XKR4: variants seen among roughly 807,000 people sequenced by gnomAD.
The protein encoded by XKR4 is XK related 4, also known as XK-related protein 4.
XKR4 carries 12 observed loss-of-function variants against 53.9 expected under a neutral mutation model. The observed-to-expected ratio is 0.22, with a 90% CI of 0.14 to 0.36. The LOEUF (loss-of-function observed/expected upper bound fraction) is 0.36. Ranked by LOEUF, XKR4 falls within the 10% of genes least tolerant of loss-of-function variation. The pLI is 1.00. For missense variants in XKR4, 799 were observed against 859.5 expected, an observed-to-expected ratio of 0.93 and a Z score of 0.88; for synonymous variants, 354 against 362.4, an observed-to-expected ratio of 0.98 and a Z score of 0.26.
At chr8:55,289,695 G>GAAAGAAAGAA (rs778422703) in intron 1 of XKR4, among the ~76,000 whole-genome samples, 1 of 87,798 alleles carries the variant, frequency 1.1e-5, no homozygotes, top group Non-Finnish European at 2.9e-5. Flanking sequence ...AAGAAAGAAA[G>GAAAGAAAGAA]AGAAAGAAAG....
chr8:55,292,199 C>T (rs1290354057), intron 1 of XKR4, among the ~76,000 whole-genome samples: 1 of 152,000 alleles, frequency 6.6e-6, no homozygotes, highest in Non-Finnish European at 1.5e-5. Context: ...ATAAAATGAA[C>T]TGGGAAGGGT....
At chr8:55,471,747 T>C (rs1217368935) in intron 2 of XKR4, among the ~76,000 whole-genome samples, 1 of 152,076 alleles carries the variant, frequency 6.6e-6, no homozygotes, top group Admixed American at 6.6e-5. Flanking sequence ...CCCTTGGTGA[T>C]GAGTAAGTTC....
At chr8:55,279,128 C>T (rs12675363) in intron 1 of XKR4, among the ~76,000 whole-genome samples, 34,962 of 152,090 alleles carry the variant, frequency 0.23, 4,397 homozygotes, top group East Asian at 0.48. Context: ...CAAAGTATCA[C>T]AAAACTGCAA....
intron 1 of XKR4, among the ~76,000 whole-genome samples, chr8:55,206,185 A>G (rs969923653): frequency 2.3e-4 from 35 of 152,182 alleles, no homozygotes; most frequent in African/African-American, 8.2e-4. Context: ...AACCTTCCAC[A>G]CCATGGAAGG....
At chr8:55,470,608 C>T (rs1585592336) in intron 2 of XKR4, among the ~76,000 whole-genome samples, 2 of 152,200 alleles carry the variant, frequency 1.3e-5, no homozygotes, top group Middle Eastern at 6.8e-3. Flanking sequence ...TGAAAACAGA[C>T]TAATACACAA....
intron 1 of XKR4, chr8:55,164,586 C>T: frequency 2.8e-6 from 1 of 363,332 alleles, no homozygotes; most frequent in Non-Finnish European, 5.5e-6. Flanking sequence ...TGCCCATGGG[C>T]CTAGCCCTGA....
chr8:55,393,433 AGG>A (rs1804471692), intron 2 of XKR4, among the ~76,000 whole-genome samples: 1 of 150,636 alleles, frequency 6.6e-6, no homozygotes, highest in African/African-American at 2.4e-5. Context: ...GAAGGAAGGA[AGG>A]AAGGAAGGAA....
intron 1 of XKR4, among the ~76,000 whole-genome samples, chr8:55,244,684 G>A (rs1418223468): frequency 6.6e-6 from 1 of 151,190 alleles, no homozygotes; most frequent in Non-Finnish European, 1.5e-5. Flanking sequence ...TCCACCAGCA[G>A]TGTATAAGCA....
intron 1 of XKR4, among the ~76,000 whole-genome samples, chr8:55,136,524 T>C (rs1315677665): frequency 1.3e-5 from 2 of 152,244 alleles, no homozygotes; most frequent in African/African-American, 2.4e-5. Flanking sequence ...TTGAATATAA[T>C]ATCAACGCTC....
intron 2 of XKR4, among the ~76,000 whole-genome samples, chr8:55,371,144 AG>A (rs1431455868): frequency 1.3e-5 from 2 of 151,350 alleles, no homozygotes; most frequent in Admixed American, 1.3e-4. Flanking sequence ...GGAGGACATC[AG>A]GGAGTGTAGA....
chr8:55,536,460 T>A lies in XKR4; in HGVS notation c.*12233T>A, dbSNP rs1446708573. ...GTCCACATGACTGCAAATATCCTGA[T>A]GAAAAGTGGCCAAGTAGATCACTCA... On this transcript the variant is annotated 3_prime_UTR_variant, in exon 3 of 3. Transcript: ENST00000327381. 1.3e-5 allele frequency: 2 copies of A among 152,238 alleles called. No individual in the cohort carries two copies. Among genetic ancestry groups the A allele is most frequent in the Non-Finnish European group, 2.9e-5 (2 of 68,048 alleles). 9.4% of individuals were successfully genotyped at this position (152,238 alleles called of 1,614,324 possible).
chr8:55,454,272 G>T, intron 2 of XKR4: 1 of 1,352,730 alleles, frequency 7.4e-7, no homozygotes, highest in Non-Finnish European at 1.1e-6. Context: ...ACGTCTAGCA[G>T]CTCCTGGGTC....
chr8:55,444,478 AG>A (rs1322344530), intron 2 of XKR4, among the ~76,000 whole-genome samples: 1 of 152,248 alleles, frequency 6.6e-6, no homozygotes, highest in Non-Finnish European at 1.5e-5. Flanking sequence ...TAATTGGCAA[AG>A]GATTAGTATC....
intron 2 of XKR4, chr8:55,455,226 G>C: frequency 3.1e-6 from 1 of 323,932 alleles, no homozygotes; most frequent in South Asian, 2.9e-5. Context: ...CCGCACACCC[G>C]GGACACCCCG....
At chr8:55,246,713 C>CT (rs5891565) in intron 1 of XKR4, among the ~76,000 whole-genome samples, 35,751 of 144,316 alleles carry the variant, frequency 0.25, 4,550 homozygotes, top group East Asian at 0.48. Context: ...CCATTAAAGT[C>CT]TTTTTTTTTT....
intron 1 of XKR4, among the ~76,000 whole-genome samples, chr8:55,207,730 A>G (rs13251823): frequency 6.7e-6 from 1 of 150,012 alleles, no homozygotes; most frequent in African/African-American, 2.5e-5. Context: ...CTCATAAAGA[A>G]GAGGAGGAAG....
At chr8:55,254,225 T>C (rs1818403978) in intron 1 of XKR4, among the ~76,000 whole-genome samples, 1 of 152,082 alleles carries the variant, frequency 6.6e-6, no homozygotes, top group African/African-American at 2.4e-5. Context: ...GCTCTTTCTG[T>C]TCTCACAGCC....
chr8:55,483,290 A>G (rs2129401441), intron 2 of XKR4, among the ~76,000 whole-genome samples: 1 of 152,344 alleles, frequency 6.6e-6, no homozygotes, highest in Non-Finnish European at 1.5e-5. Flanking sequence ...GCTTCCTTAT[A>G]GTATAGCCCT....
intron 1 of XKR4, among the ~76,000 whole-genome samples, chr8:55,318,993 G>A (rs1803164215): frequency 6.6e-6 from 1 of 152,162 alleles, no homozygotes. Context: ...TATTGTCAAA[G>A]CAAAAGAGAG....
Sources: gnomAD v4.1 joint callset for allele counts (sites outside exome capture counted in the v4.1 genomes callset) on GRCh38, gnomAD v4.1.1 for gene constraint, MANE v1.5 for transcripts, NCBI Gene and HGNC (gene_info 2026-07-23, HGNC 2026-07-21) for gene names.